RP1: variants seen among roughly 807,000 people sequenced by gnomAD.
RP1 encodes RP1 axonemal microtubule associated, also known as oxygen-regulated protein 1.
A neutral mutation model predicts 14.8 loss-of-function variants in RP1; 16 were observed. The ratio of observed to expected loss-of-function variants is 1.08; its 90% CI spans 0.73 to 1.65. The LOEUF is 1.65. Ranked by LOEUF, RP1 falls within the 40% of genes most tolerant of loss-of-function variation. RP1 has a pLI of 0.00. For synonymous variants in RP1, 876 were observed against 883.6 expected, an observed-to-expected ratio of 0.99 and a Z score of 0.15; for missense variants, 2,631 against 2,535.0, an observed-to-expected ratio of 1.04 and a Z score of -0.81.
At chr8:54,849,779 A>G (rs1812014878) in intron 25 of RP1, among the ~76,000 whole-genome samples, 1 of 152,226 alleles carries the variant, frequency 6.6e-6, no homozygotes, top group Non-Finnish European at 1.5e-5. Context: ...GAAATCAGAC[A>G]TTAAACATGC....
exon 19 of RP1, chr8:54,738,991 G>T: frequency 6.5e-7 from 1 of 1,531,796 alleles, no homozygotes; most frequent in South Asian, 1.2e-5. Context: ...GATAGGACAT[G>T]ATGGAACCAG....
intron 12 of RP1, among the ~76,000 whole-genome samples, chr8:54,685,790 T>C (rs975221719): frequency 4.6e-5 from 7 of 152,202 alleles, no homozygotes; most frequent in Admixed American, 1.3e-4. Flanking sequence ...CTCAGTTTTA[T>C]GACTAATTGA....
At chr8:54,755,800 C>A in intron 21 of RP1, 1 of 1,419,812 alleles carries the variant, frequency 7.0e-7, no homozygotes. Context: ...TTCCCAGATT[C>A]TTAACAATCT....
intron 14 of RP1, among the ~76,000 whole-genome samples, chr8:54,705,355 A>G (rs775124590): frequency 6.6e-6 from 1 of 152,208 alleles, no homozygotes; most frequent in East Asian, 1.9e-4. Flanking sequence ...CTCCCCATGG[A>G]GTCAAGGCAG....
intron 7 of RP1, among the ~76,000 whole-genome samples, chr8:54,672,517 C>G (rs189912384): frequency 6.6e-6 from 1 of 152,264 alleles, no homozygotes; most frequent in Admixed American, 6.5e-5. Flanking sequence ...AAAGAGTATT[C>G]TAGTTCTTAC....
chr8:54,705,102 T>G (rs1417914179), intron 14 of RP1, among the ~76,000 whole-genome samples: 1 of 152,090 alleles, frequency 6.6e-6, no homozygotes, highest in Non-Finnish European at 1.5e-5. Context: ...AACTATAAAG[T>G]TAGGGGGAAC....
chr8:54,688,105 G>A (rs1305148960), intron 12 of RP1, among the ~76,000 whole-genome samples: 1 of 152,126 alleles, frequency 6.6e-6, no homozygotes, highest in Non-Finnish European at 1.5e-5. Context: ...CTGCATAAAT[G>A]TCTTCTTTTG....
At chr8:54,749,192 G>A (rs965315095) in intron 19 of RP1, among the ~76,000 whole-genome samples, 2 of 152,004 alleles carry the variant, frequency 1.3e-5, no homozygotes, top group East Asian at 1.9e-4. Context: ...TTAGCCAGGC[G>A]TGGTGATGGG....
At chr8:54,711,539 T>C (rs998914692) in intron 15 of RP1, among the ~76,000 whole-genome samples, 18 of 152,154 alleles carry the variant, frequency 1.2e-4, no homozygotes, top group African/African-American at 4.3e-4. Context: ...CTGACTGTAT[T>C]TTTAGTGTCT....
chr8:54,655,463 A>C (rs1239943553), intron 5 of RP1, among the ~76,000 whole-genome samples: 1 of 152,238 alleles, frequency 6.6e-6, no homozygotes, highest in Non-Finnish European at 1.5e-5. Context: ...ATAAATAATC[A>C]GTGCTTGAGT....
At chr8:54,575,264 T>C (rs184408652) in intron 1 of RP1, among the ~76,000 whole-genome samples, 13 of 152,332 alleles carry the variant, frequency 8.5e-5, no homozygotes, top group African/African-American at 3.1e-4. Flanking sequence ...GGTCCTGATT[T>C]AGCTGTTCCC....
At chr8:54,691,378 C>T (rs1807704645) in intron 12 of RP1, among the ~76,000 whole-genome samples, 1 of 151,942 alleles carries the variant, frequency 6.6e-6, no homozygotes. Context: ...TTCATTGAGT[C>T]ACTAACTGAA....
intron 12 of RP1, among the ~76,000 whole-genome samples, chr8:54,691,827 T>A (rs1396405977): frequency 6.6e-6 from 1 of 151,938 alleles, no homozygotes; most frequent in East Asian, 1.9e-4. Context: ...TATTTTATTA[T>A]TATTATACTT....
At chr8:54,805,962 T>C (rs962593210) in intron 24 of RP1, among the ~76,000 whole-genome samples, 2 of 152,144 alleles carry the variant, frequency 1.3e-5, no homozygotes, top group Admixed American at 1.3e-4. Flanking sequence ...TTGTATCTAA[T>C]ACAACAGAGG....
At chr8:54,771,379 A>G (rs570349877), downstream of RP1, among the ~76,000 whole-genome samples, 1 of 152,192 alleles carries the variant, frequency 6.6e-6, no homozygotes, top group African/African-American at 2.4e-5. Context: ...TAGTTTTAAA[A>G]TGAAGGTTAT....
At chr8:54,762,531 A>C (rs1009843524) in intron 22 of RP1, among the ~76,000 whole-genome samples, 1 of 152,192 alleles carries the variant, frequency 6.6e-6, no homozygotes, top group African/African-American at 2.4e-5. Context: ...AATTTCTACC[A>C]TTTACACTGG....
At position 54,629,681 on chromosome 8, in the gene RP1, A is replaced by T. The variant is rs1266089291; in HGVS notation, c.5799A>T (p.Arg1933=). The T allele has an allele frequency of 5.6e-6, 9 of 1,613,688 alleles. No homozygotes were observed. The highest frequency in any genetic ancestry group is 6.8e-6 in the Non-Finnish European group (8 of 1,179,932). Residue 1933 remains arginine, a synonymous_variant, in exon 4 of 4, where the codon CGA becomes CGT. Transcript: ENST00000220676. The stretch of plus-strand genomic sequence containing the variant: ...TCCAACCCATGAATGAGGAAGACCG[A>T]GGATTTGCATATCGCAAAGAATCTG... ...VIIQPMNEED[R]GFAYRKESDI... is the part of the protein sequence containing the mutation.
intron 6 of RP1, chr8:54,656,261 C>T: frequency 6.6e-7 from 1 of 1,514,162 alleles, no homozygotes; most frequent in East Asian, 2.5e-5. Context: ...ACTTGTTTGC[C>T]TAAATGCTGA....
rs950908005 is a variant in RP1, at chr8:54,565,733, C to A, written c.-13+6413C>A. On this transcript the variant is annotated intron_variant, in intron 1 of 22. Transcript: ENST00000636932. Reference sequence around the variant, plus strand: ...GGGATTGGGGGGATCTGGGTTCTGACTGGCCTGGTCTCTCATCAGACTTAC... The same window carrying A: ...GGGATTGGGGGGATCTGGGTTCTGAATGGCCTGGTCTCTCATCAGACTTAC... 3.3e-5 allele frequency among the ~76,000 whole-genome samples: 5 copies of A among 152,156 alleles called. No homozygotes were observed. The East Asian group carries it at 9.7e-4, about 29-fold the overall frequency.
Sources: gnomAD v4.1 joint callset for allele counts (sites outside exome capture counted in the v4.1 genomes callset) on GRCh38, gnomAD v4.1.1 for gene constraint, MANE v1.5 for transcripts, NCBI Gene and HGNC (gene_info 2026-07-23, HGNC 2026-07-21) for gene names.